Variants in MYOM2 observed in about 807,000 individuals in gnomAD.
MYOM2 encodes myomesin-2.
Under a neutral mutation model 187.6 loss-of-function variants are expected in MYOM2, and 254 were observed. That is an observed-to-expected ratio of 1.35 (90% CI 1.22 to 1.50). The LOEUF is 1.50. Among genes scored for constraint, MYOM2 ranks in the 40% most tolerant of loss-of-function variants. MYOM2 has a pLI of 0.00. For missense variants in MYOM2, 2,796 were observed against 1,924.0 expected, an observed-to-expected ratio of 1.45 and a Z score of -8.48; for synonymous variants, 981 against 753.8, an observed-to-expected ratio of 1.30 and a Z score of -4.94.
At chr8:2,124,258 T>G (rs1797558390) in intron 31 of MYOM2, 41 bp downstream of exon 31, 1 of 1,573,480 alleles carries the variant, frequency 6.4e-7, no homozygotes, top group South Asian at 1.1e-5. Context: ...TTTGGGGTGC[T>G]GAAATCACTA....
chr8:2,144,709 G>C lies in MYOM2; in HGVS notation c.4126G>C (p.Val1376Leu). 6.2e-7 allele frequency: 1 copy of C among 1,613,918 alleles called. No homozygotes were observed. Among genetic ancestry groups the C allele is most frequent in the Non-Finnish European group, 8.5e-7 (1 of 1,180,022 alleles). Residue 1376 changes from valine (V) to leucine (L), a missense_variant, in exon 37 of 37, where the codon GTG becomes CTG. Transcript: ENST00000262113. ...GGTGTTTGGAAACCCTGACCCCGAAGTGATTTGGTTCAAGAACGACCAGGA... is the reference window on the plus strand; with the variant it reads ...GGTGTTTGGAAACCCTGACCCCGAACTGATTTGGTTCAAGAACGACCAGGA... ...CTVFGNPDPE[V>L]IWFKNDQDIQ... is the part of the protein sequence containing the mutation.
rs1585903435 is a variant in MYOM2, at chr8:2,099,114, C to T, written c.2440+131C>T. 1.1e-5 allele frequency: 13 copies of T among 1,221,362 alleles called. No homozygotes were observed. In the East Asian group the frequency reaches 3.4e-4, roughly 32 times the overall value. 75.7% of individuals were successfully genotyped at this position (1,221,362 alleles called of 1,614,324 possible). ...TCCTCCGACACCCGCAGCCGCAGAG[C>T]CACCGTGCGCCAGGCGCCGTGCAGG... On this transcript the variant is annotated intron_variant, in intron 19 of 36. Coordinates refer to ENST00000262113, the MANE Select transcript of MYOM2 (RefSeq NM_003970.4).
In MYOM2 at chr8:2,057,998, G is replaced by GTTTTTTTTTT. The variant is rs572901199; in HGVS notation, c.560+247_560+256dup. 1.1e-4 allele frequency among the ~76,000 whole-genome samples: 9 copies of GTTTTTTTTTT among 80,736 alleles called. 1 individual carries two copies. Among genetic ancestry groups the GTTTTTTTTTT allele is most frequent in the Admixed American group, 2.0e-4 (1 of 5,118 alleles). 53.0% of individuals were successfully genotyped at this position (80,736 alleles called of 152,430 possible). ...ATTGAGTCAACAAATTTTTCAGAGGGTTTTTTTTTTTTTTTTTTTTTTTTT... is the reference window on the plus strand; with the variant it reads ...ATTGAGTCAACAAATTTTTCAGAGGGTTTTTTTTTTTTTTTTTTTTTTTTTTTTTTTTTTT... On this transcript the variant is annotated intron_variant, in intron 5 of 36. Coordinates refer to ENST00000262113, the MANE Select transcript of MYOM2 (RefSeq NM_003970.4).
At chr8:2,092,935 C>T (rs760643063) in intron 16 of MYOM2, among the ~76,000 whole-genome samples, 3 of 152,092 alleles carry the variant, frequency 2.0e-5, no homozygotes, top group Non-Finnish European at 4.4e-5. Flanking sequence ...CTGATGGAGA[C>T]CCCACCGGGC....
intron 11 of MYOM2, among the ~76,000 whole-genome samples, chr8:2,077,184 C>G (rs548173842): frequency 1.3e-5 from 2 of 152,032 alleles, no homozygotes; most frequent in African/African-American, 4.8e-5. Context: ...CTGGCATGTG[C>G]TTATAATCCC....
At chr8:2,132,302 G>A (rs12680793) in intron 32 of MYOM2, among the ~76,000 whole-genome samples, 54,349 of 148,216 alleles carry the variant, frequency 0.37, 10,070 homozygotes, top group Non-Finnish European at 0.42. Flanking sequence ...AAATGCGGAC[G>A]TAAGCAAAGA....
intron 11 of MYOM2, 70 bp downstream of exon 11, chr8:2,076,352 G>C (rs1224646674): frequency 6.4e-7 from 1 of 1,555,120 alleles, no homozygotes; most frequent in South Asian, 1.2e-5. Context: ...AATATATTGA[G>C]AAATTTTTCT....
intron 30 of MYOM2, among the ~76,000 whole-genome samples, 165 bp downstream of exon 30, chr8:2,123,807 G>T (rs145037258): frequency 6.6e-6 from 1 of 152,342 alleles, no homozygotes; most frequent in East Asian, 1.9e-4. Flanking sequence ...TGCTTTCAGA[G>T]TTTTTTCAGT....
chr8:2,093,195 C>G (rs931706916), intron 16 of MYOM2, among the ~76,000 whole-genome samples: 3 of 152,146 alleles, frequency 2.0e-5, no homozygotes, highest in African/African-American at 7.2e-5. Flanking sequence ...AAAAAATACA[C>G]TGTAAAAAGT....
chr8:2,066,110 G>A (rs1005862040), intron 6 of MYOM2, among the ~76,000 whole-genome samples: 1 of 152,200 alleles, frequency 6.6e-6, no homozygotes, highest in African/African-American at 2.4e-5. Flanking sequence ...TGGTCATGAC[G>A]GTGACCTGCT....
intron 32 of MYOM2, among the ~76,000 whole-genome samples, chr8:2,137,169 G>A (rs1798107417): frequency 6.6e-6 from 1 of 151,370 alleles, no homozygotes; most frequent in Non-Finnish European, 1.5e-5. Context: ...GCTCTTTGAA[G>A]AAGACACATT....
rs756286273 is a variant in MYOM2 at position 2,100,973 on chromosome 8, A to G, written c.2538A>G (p.Gly846=). The change falls in exon 20 of 37, where the codon GGA becomes GGG. Residue 846 remains glycine (G), a synonymous_variant. Coordinates refer to ENST00000262113, the MANE Select transcript of MYOM2 (RefSeq NM_003970.4). ...PVYSGSSPVS[G]YFVDFREEDA... ...ACTCCGGCAGCAGCCCTGTTTCTGG[A>G]TATTTCGTGGACTTCAGGGAGGAGG... 8 of 1,613,988 alleles carry G rather than the reference A, an allele frequency of 5.0e-6. No individual in the cohort carries two copies. In the African/African-American group the frequency reaches 1.1e-4, roughly 22 times the overall value.
Position 2,142,361 on chromosome 8 carries a change from C to G in MYOM2, c.4002-14C>G. On this transcript the variant is annotated splice_polypyrimidine_tract_variant and intron_variant, in intron 34 of 36. Transcript: ENST00000262113. Reference sequence around the variant, plus strand: ...TCTTTTCATTCTCTCCTTTCTGTCCCCTTTAACTTTTAGAGCTGCTGCTTT... The same window carrying G: ...TCTTTTCATTCTCTCCTTTCTGTCCGCTTTAACTTTTAGAGCTGCTGCTTT... The G allele has an allele frequency of 6.2e-7, 1 of 1,612,832 alleles. No homozygotes were observed. The highest frequency in any genetic ancestry group is 1.1e-5 in the South Asian group (1 of 91,060).
In MYOM2 at chr8:2,140,673, G is replaced by T. The variant is rs186440427; in HGVS notation, c.3801-50G>T. 13 of 1,588,884 alleles carry T rather than the reference G, an allele frequency of 8.2e-6. No individual in the cohort carries two copies. In the Middle Eastern group the frequency reaches 5.1e-4, roughly 62 times the overall value. The stretch of plus-strand genomic sequence containing the variant: ...GGACATTGCCCTGTAGACATTGTGC[G>T]TGTGACATGGAGACCCTAACTCAGA... On this transcript the variant is annotated intron_variant, in intron 32 of 36. Coordinates refer to ENST00000262113, the MANE Select transcript of MYOM2 (RefSeq NM_003970.4).
chr8:2,073,366 C>T lies in MYOM2; in HGVS notation c.986C>T (p.Thr329Met), dbSNP rs372866377. The change falls in exon 10 of 37, where the codon ACG becomes ATG. Residue 329 changes from threonine to methionine, a missense_variant. Thr to Met is a moderately conservative substitution (Grantham distance 81). Coordinates refer to ENST00000262113, the MANE Select transcript of MYOM2 (RefSeq NM_003970.4). ...DDVLLKESKWTKMFFGEGQAS... is the reference protein window; with the variant it reads ...DDVLLKESKWMKMFFGEGQAS... ...GTGCTGTTGAAAGAGTCCAAGTGGACGAAGATGTTCTTTGGAGAAGGCCAG... is the reference window on the plus strand; with the variant it reads ...GTGCTGTTGAAAGAGTCCAAGTGGATGAAGATGTTCTTTGGAGAAGGCCAG... The T allele has an allele frequency of 1.2e-5, 20 of 1,612,240 alleles. No individual in the cohort carries two copies. Among genetic ancestry groups the T allele is most frequent in the Admixed American group, 1.7e-5 (1 of 59,846 alleles).
intron 18 of MYOM2, 53 bp from the exon 19 acceptor site, chr8:2,098,804 G>A (rs1418011216): frequency 1.9e-6 from 3 of 1,539,604 alleles, no homozygotes; most frequent in African/African-American, 2.7e-5. Flanking sequence ...CCCCCTCAGT[G>A]GGCTGTAAGG....
At chr8:2,074,785 C>T (rs1819359524) in intron 10 of MYOM2, among the ~76,000 whole-genome samples, 1 of 152,182 alleles carries the variant, frequency 6.6e-6, no homozygotes, top group Admixed American at 6.5e-5. Context: ...GTGTCTGTTT[C>T]ACTCCCCTCC....
At chr8:2,068,868 C>T (rs905613458) in intron 6 of MYOM2, among the ~76,000 whole-genome samples, 1 of 152,220 alleles carries the variant, frequency 6.6e-6, no homozygotes, top group Non-Finnish European at 1.5e-5. Flanking sequence ...CAGGCAGGCT[C>T]TGTATCATCC....
At chr8:2,113,060 C>T (rs1201578799) in intron 25 of MYOM2, among the ~76,000 whole-genome samples, 1 of 152,190 alleles carries the variant, frequency 6.6e-6, no homozygotes, top group Non-Finnish European at 1.5e-5. Flanking sequence ...ATCGATCCGA[C>T]AGGTAGATGC....
Sources: allele counts gnomAD v4.1 joint callset (sites outside exome capture counted in the v4.1 genomes callset), GRCh38; gene constraint gnomAD v4.1.1; transcripts MANE v1.5; gene names NCBI Gene and HGNC (gene_info 2026-07-23, HGNC 2026-07-21).